The following OTUD7A variants were observed in gnomAD, a reference collection of about 807,000 sequenced individuals.
OTUD7A encodes the protein OTU deubiquitinase 7A.
A neutral mutation model predicts 65.7 loss-of-function variants in OTUD7A; 12 were observed. The observed-to-expected ratio is 0.18, with a 90% CI of 0.12 to 0.30. The LOEUF (loss-of-function observed/expected upper bound fraction) is 0.30. Ranked by LOEUF, OTUD7A falls within the 10% of genes least tolerant of loss-of-function variation. OTUD7A has a pLI of 1.00. For synonymous variants in OTUD7A, 641 were observed against 586.3 expected (o/e 1.09, Z -1.35); for missense variants, 1,148 against 1,304.8 (o/e 0.88, Z 1.85).
chr15:31,534,325 A>C (rs556193479), intron 5 of OTUD7A, among the ~76,000 whole-genome samples: 1 of 152,346 alleles, frequency 6.6e-6, no homozygotes, highest in Non-Finnish European at 1.5e-5. Context: ...TCATATCATG[A>C]ATACAGAAAA....
intron 3 of OTUD7A, among the ~76,000 whole-genome samples, chr15:31,589,487 G>GTTTTTTT (rs1889655663): frequency 7.2e-6 from 1 of 138,186 alleles, no homozygotes; most frequent in African/African-American, 2.8e-5. Flanking sequence ...TTTTTCTGTA[G>GTTTTTTT]AGACGGGGTT....
At chr15:31,561,061 G>A (rs1888671761) in intron 4 of OTUD7A, among the ~76,000 whole-genome samples, 1 of 152,264 alleles carries the variant, frequency 6.6e-6, no homozygotes, top group Non-Finnish European at 1.5e-5. Flanking sequence ...TGAATACAGA[G>A]TCACAGAGAC....
chr15:31,627,738 C>T (rs1328783495), intron 3 of OTUD7A, among the ~76,000 whole-genome samples: 1 of 152,202 alleles, frequency 6.6e-6, no homozygotes, highest in Admixed American at 6.5e-5. Context: ...TTTTCCACAT[C>T]CTCTCCAGCA....
chr15:31,526,364 C>A lies in OTUD7A; in HGVS notation c.878G>T (p.Gly293Val). 6.3e-7 allele frequency: 1 copy of A among 1,598,416 alleles called. No homozygotes were observed. Among genetic ancestry groups the A allele is most frequent in the South Asian group, 1.1e-5 (1 of 88,934 alleles). Reference protein sequence around the residue: ...SEPRTHFSKNGGTGGGVDNSE... With the variant: ...SEPRTHFSKNVGTGGGVDNSE... ...CAGCACTTACCCCCCGCCCGTGCCG[C>A]CATTCTTGCTGAAGTGTGTGCGCGG... The change falls in exon 8 of 13, where the codon GGC becomes GTC. Residue 293 changes from glycine to valine, a missense_variant. By Grantham distance (109) the Gly-to-Val change is moderately radical (BLOSUM62 -3). This residue lies in a region of OTUD7A where 25 missense variants were observed against 18.7 expected (regional missense o/e 1.34). Coordinates refer to ENST00000307050, the MANE Select transcript of OTUD7A (RefSeq NM_001382637.1).
At chr15:31,525,305 G>T (rs2041995838) in intron 8 of OTUD7A, among the ~76,000 whole-genome samples, 1 of 152,256 alleles carries the variant, frequency 6.6e-6, no homozygotes. Flanking sequence ...TGCCAAGATA[G>T]ACTGTTGGTA....
intron 1 of OTUD7A, among the ~76,000 whole-genome samples, chr15:31,774,960 T>C (rs1258953232): frequency 3.5e-5 from 4 of 115,576 alleles, no homozygotes; most frequent in Non-Finnish European, 7.1e-5. Flanking sequence ...TGGAACAGTT[T>C]TGATTGAAAA....
chr15:31,503,602 G>T (rs184100255), intron 9 of OTUD7A, 89 bp downstream of exon 9: 1 of 1,542,488 alleles, frequency 6.5e-7, no homozygotes, highest in Admixed American at 1.7e-5. Flanking sequence ...GCCTCTGGGA[G>T]CTCGACCTTG....
intron 3 of OTUD7A, among the ~76,000 whole-genome samples, chr15:31,651,532 C>T (rs1037535381): frequency 6.6e-6 from 1 of 151,328 alleles, no homozygotes; most frequent in African/African-American, 2.4e-5. Flanking sequence ...ACTGTCCTTA[C>T]TCACAGATAA....
chr15:31,688,214 C>CAAAAAA (rs71424610), intron 1 of OTUD7A, among the ~76,000 whole-genome samples: 1 of 134,306 alleles, frequency 7.4e-6, no homozygotes, highest in Non-Finnish European at 1.6e-5. Context: ...GACTCCATCT[C>CAAAAAA]AAAAAAAAAA....
intron 1 of OTUD7A, among the ~76,000 whole-genome samples, chr15:31,752,951 C>T (rs896435600): frequency 6.6e-6 from 1 of 152,128 alleles, no homozygotes; most frequent in Non-Finnish European, 1.5e-5. Flanking sequence ...TTTAAGACCA[C>T]CATCATCATA....
At chr15:31,508,822 C>T (rs2041625482) in intron 8 of OTUD7A, among the ~76,000 whole-genome samples, 1 of 152,266 alleles carries the variant, frequency 6.6e-6, no homozygotes, top group South Asian at 2.1e-4. Context: ...TGCTCCATTT[C>T]TGCTTAGCGT....
chr15:31,593,290 G>A (rs940140270), intron 3 of OTUD7A, among the ~76,000 whole-genome samples: 1 of 151,984 alleles, frequency 6.6e-6, no homozygotes, highest in Non-Finnish European at 1.5e-5. Flanking sequence ...ATCTCCTATT[G>A]GTTCTGTTTC....
At chr15:31,849,204 G>T (rs1266104663) in intron 1 of OTUD7A, among the ~76,000 whole-genome samples, 1 of 152,144 alleles carries the variant, frequency 6.6e-6, no homozygotes, top group Admixed American at 6.5e-5. Context: ...CCAAAACAGA[G>T]ATATAGACCA....
intron 3 of OTUD7A, among the ~76,000 whole-genome samples, chr15:31,627,818 G>A (rs1891009622): frequency 6.6e-6 from 1 of 152,142 alleles, no homozygotes; most frequent in Non-Finnish European, 1.5e-5. Context: ...TTGTGGTTTC[G>A]ATTTGCATTT....
At chr15:31,581,139 G>A (rs1459117295) in intron 3 of OTUD7A, among the ~76,000 whole-genome samples, 1 of 152,222 alleles carries the variant, frequency 6.6e-6, no homozygotes, top group Non-Finnish European at 1.5e-5. Flanking sequence ...CAGCAGGGCA[G>A]TCAAATCTTA....
At position 31,484,283 on chromosome 15, in the gene OTUD7A, C is replaced by G. The variant is rs758435743; in HGVS notation, c.1813G>C (p.Ala605Pro). ...TPSPTDKAAG[A>P]SPAEKGGGPR... Reference sequence around the variant, plus strand: ...CCACCGCCCTTCTCCGCCGGCGACGCGCCCGCTGCCTTGTCTGTGGGCGAC... The same window carrying G: ...CCACCGCCCTTCTCCGCCGGCGACGGGCCCGCTGCCTTGTCTGTGGGCGAC... The change falls in exon 13 of 13, where the codon GCG becomes CCG. Residue 605 changes from alanine (A) to proline (P), a missense_variant. Physicochemically the swap from Ala to Pro is conservative, Grantham distance 27. Around this residue, in one of 6 missense-constraint regions of OTUD7A, gnomAD observed 842 missense variants for 769.5 expected, o/e 1.09. Transcript: ENST00000307050. The surrounding 1 kb of genome is among the most constrained non-coding windows in gnomAD (Gnocchi z 4.5). 1.9e-6 allele frequency: 3 copies of G among 1,593,048 alleles called. No homozygotes were observed. Among genetic ancestry groups the G allele is most frequent in the Non-Finnish European group, 2.6e-6 (3 of 1,173,966 alleles).
intron 1 of OTUD7A, among the ~76,000 whole-genome samples, chr15:31,695,075 G>T (rs942240828): frequency 2.0e-5 from 3 of 152,226 alleles, no homozygotes; most frequent in Admixed American, 6.5e-5. Flanking sequence ...TCGATCCCCT[G>T]ACCTTGCGAT....
intron 1 of OTUD7A, among the ~76,000 whole-genome samples, chr15:31,681,998 G>C (rs1223397575): frequency 6.6e-6 from 1 of 152,158 alleles, no homozygotes; most frequent in Non-Finnish European, 1.5e-5. Context: ...ACCCATGCTA[G>C]ACTGGAGTGG....
intron 1 of OTUD7A, among the ~76,000 whole-genome samples, chr15:31,796,208 C>G: frequency 7.0e-6 from 1 of 143,634 alleles, no homozygotes; most frequent in African/African-American, 2.8e-5. Context: ...ATCTATCTAT[C>G]TATCTATCTA....
Sources: allele counts gnomAD v4.1 joint callset (sites outside exome capture counted in the v4.1 genomes callset), GRCh38; gene constraint gnomAD v4.1.1; regional missense constraint gnomAD v4.1.1; non-coding constraint Gnocchi (gnomAD v3.1); transcripts MANE v1.5; gene names NCBI Gene and HGNC (gene_info 2026-07-23, HGNC 2026-07-21).